ETS2: variants seen among roughly 807,000 people sequenced by gnomAD.
ETS2 encodes the protein protein C-ets-2.
A neutral mutation model predicts 54.9 loss-of-function variants in ETS2; 19 were observed. That is an observed-to-expected ratio of 0.35 (90% CI 0.24 to 0.51). ETS2 has a LOEUF of 0.51. Among genes scored for constraint, ETS2 ranks in the 20% least tolerant of loss-of-function variants. The pLI is 0.97. For synonymous variants in ETS2, 219 were observed against 229.3 expected (o/e 0.95, Z 0.41); for missense variants, 417 against 593.0 (o/e 0.70, Z 3.08).
chr21:38,806,152 G>A lies in ETS2; in HGVS notation c.-1+32G>A. The A allele has an allele frequency of 9.9e-7, 1 of 1,012,838 alleles. No homozygotes were observed. The highest frequency in any genetic ancestry group is 1.2e-6 in the Non-Finnish European group (1 of 848,252). The allele number at this position is 1,012,838 out of a possible 1,614,324, so 62.7% of individuals were successfully genotyped here. On this transcript the variant is annotated intron_variant, in intron 1 of 9. Transcript: ENST00000360938. This position sits in a 1 kb window ranked among gnomAD's most constrained non-coding sequence, Gnocchi z 4.3. ...GCTGGGCCCGCAGAGAGCGCCCGGC[G>A]CGCGGCTCCAGTCCCATGGAGGGTC... is the stretch of plus-strand genomic sequence containing the variant.
upstream of ETS2, chr21:38,805,682 C>G (rs2060889013): frequency 8.5e-7 from 1 of 1,174,022 alleles, no homozygotes; most frequent in Non-Finnish European, 1.1e-6. The surrounding 1 kb of genome is among the most constrained non-coding windows in gnomAD (Gnocchi z 5.2). Flanking sequence ...TCTTCTCTCC[C>G]CTCGTGCGTT....
In ETS2 at chr21:38,806,872, G is replaced by C. The variant is rs1000433915; in HGVS notation, c.-1+752G>C. 1.0e-6 allele frequency: 1 copy of C among 979,928 alleles called. No individual in the cohort carries two copies. Among genetic ancestry groups the C allele is most frequent in the Non-Finnish European group, 1.2e-6 (1 of 825,096 alleles). The allele number at this position is 979,928 out of a possible 1,614,324, so 60.7% of individuals were successfully genotyped here. A position where few individuals can be genotyped will look rare whatever the true frequency, so the allele number is the denominator to read the frequency against. On this transcript the variant is annotated intron_variant, in intron 1 of 9. Coordinates refer to ENST00000360938, the MANE Select transcript of ETS2 (RefSeq NM_005239.6). This position sits in a 1 kb window ranked among gnomAD's most constrained non-coding sequence, Gnocchi z 4.3. ...TGTGTTATCCTATTTTATTTTTTAC[G>C]GCAGGAGACCTTTTATGTTAGCCTG...
In ETS2 at chr21:38,821,475, G is replaced by A. The variant is rs1163340912; in HGVS notation, c.1076-111G>A. On this transcript the variant is annotated intron_variant, in intron 8 of 9. Transcript: ENST00000360938. The surrounding 1 kb of genome is among the most constrained non-coding windows in gnomAD (Gnocchi z 4.2). ...GAGTGTAACATCGGAACCCCATTCA[G>A]AGAGTTGGGTCTGCATTCCTAAATC... 3.7e-6 allele frequency: 3 copies of A among 803,966 alleles called. No homozygotes were observed. In the East Asian group the frequency reaches 7.3e-5, roughly 20 times the overall value. 49.8% of individuals were successfully genotyped at this position (803,966 alleles called of 1,614,324 possible). A position where few individuals can be genotyped will look rare whatever the true frequency, so the allele number is the denominator to read the frequency against.
At chr21:38,810,233 C>G in intron 2 of ETS2, 127 bp downstream of exon 2, 2 of 565,500 alleles carry the variant, frequency 3.5e-6, no homozygotes, top group Non-Finnish European at 6.1e-6. Context: ...GGCCATGTGA[C>G]TATAGACTAT....
upstream of ETS2, chr21:38,805,296 CTTT>C (rs1569018964): frequency 2.4e-5 from 30 of 1,225,772 alleles, no homozygotes; most frequent in Non-Finnish European, 3.0e-5. The surrounding 1 kb of genome is among the most constrained non-coding windows in gnomAD (Gnocchi z 5.2). Flanking sequence ...CATTTGGAGC[CTTT>C]TTGTGATAGA....
chr21:38,812,730 A>G (rs2060918391), intron 2 of ETS2, among the ~76,000 whole-genome samples: 1 of 152,010 alleles, frequency 6.6e-6, no homozygotes, highest in Non-Finnish European at 1.5e-5. Context: ...GCAGTGAGCC[A>G]AGATTGCACC....
At chr21:38,813,256 A>G in intron 3 of ETS2, 142 bp downstream of exon 3, 1 of 657,190 alleles carries the variant, frequency 1.5e-6, no homozygotes, top group Middle Eastern at 3.9e-4. Context: ...ACCTGGGAGA[A>G]GGCAGTTTTT....
rs1601431879 is a variant in ETS2, at chr21:38,819,771, G to T, written c.1075+5G>T. The T allele has an allele frequency of 6.2e-7, 1 of 1,610,706 alleles. No homozygotes were observed. Among genetic ancestry groups the T allele is most frequent in the East Asian group, 2.2e-5 (1 of 44,832 alleles). On this transcript the variant is annotated splice_donor_5th_base_variant and intron_variant, in intron 8 of 9. Transcript: ENST00000360938. ...CTGTGCTGGCCGGCTTCACAGGTGTGTGTGGAACTCCGAGAGCCTGGCCGC... is the reference window on the plus strand; with the variant it reads ...CTGTGCTGGCCGGCTTCACAGGTGTTTGTGGAACTCCGAGAGCCTGGCCGC...
At position 38,822,684 on chromosome 21, in the gene ETS2, G is replaced by A. The variant is rs762726949; in HGVS notation, c.1205G>A (p.Arg402Gln). ...CCATGTTCACCAAAGGTGGCCCGCC[G>A]GTGGGGAAAGAGGAAAAATAAGCCC... ...KLADPDEVAR[R>Q]WGKRKNKPKM... The change falls in exon 10 of 10, where the codon CGG becomes CAG. Residue 402 changes from arginine (R) to glutamine (Q), a missense_variant. By Grantham distance (43) the Arg-to-Gln change is conservative. Coordinates refer to ENST00000360938, the MANE Select transcript of ETS2 (RefSeq NM_005239.6). 7 of 1,613,444 alleles carry A rather than the reference G, an allele frequency of 4.3e-6. No homozygotes were observed. The highest frequency in any genetic ancestry group is 2.2e-5 in the East Asian group (1 of 44,878).
In ETS2 at chr21:38,822,752, TACG is replaced by T; in HGVS notation, c.1276_1278del (p.Asp426del). On this transcript the variant is annotated inframe_deletion, in exon 10 of 10. Coordinates refer to ENST00000360938, the MANE Select transcript of ETS2 (RefSeq NM_005239.6). ...GCTGAGCCGGGGCTTACGCTACTAT[TACG>T]ACAAGAACATCATCCACAAGACGTC... 2 of 1,614,188 alleles carry T rather than the reference TACG, an allele frequency of 1.2e-6. No individual in the cohort carries two copies. Among genetic ancestry groups the T allele is most frequent in the Non-Finnish European group, 1.7e-6 (2 of 1,180,040 alleles).
At chr21:38,812,904 A>G in intron 2 of ETS2, 99 bp from the exon 3 acceptor site, 1 of 776,158 alleles carries the variant, frequency 1.3e-6, no homozygotes, top group South Asian at 1.5e-5. Context: ...CAGTTTAATC[A>G]GGGACTATTG....
rs1318757583 is a variant in ETS2 at position 38,819,490 on chromosome 21, T to C, written c.812-13T>C. The C allele has an allele frequency of 6.2e-7, 1 of 1,613,134 alleles. No homozygotes were observed. The highest frequency in any genetic ancestry group is 1.7e-5 in the Admixed American group (1 of 60,008). ...TGGAGGAATCAAAGTATGTGTTTGG[T>C]TGTCTTTGCCAGGGACTCCCAAAGA... On this transcript the variant is annotated splice_polypyrimidine_tract_variant and intron_variant, in intron 7 of 9. Transcript: ENST00000360938.
chr21:38,807,335 C>G (rs926394386), intron 1 of ETS2, among the ~76,000 whole-genome samples: 1 of 151,630 alleles, frequency 6.6e-6, no homozygotes, highest in Middle Eastern at 3.5e-3. Flanking sequence ...ATTACTTGTT[C>G]CAATAAGGGT....
rs1315073624 is a variant in ETS2, at chr21:38,822,971, A to T, written c.*82A>T. ...TCCTGACCAGCTGCTCCGAGGACCC[A>T]GGAAAGGCAGGATTGAAAATGTCCA... On this transcript the variant is annotated 3_prime_UTR_variant, in exon 10 of 10. Transcript: ENST00000360938. 2.7e-6 allele frequency: 3 copies of T among 1,106,054 alleles called. No homozygotes were observed. The highest frequency in any genetic ancestry group is 3.7e-6 in the Non-Finnish European group (3 of 805,224). 68.5% of individuals were successfully genotyped at this position (1,106,054 alleles called of 1,614,324 possible). A position where few individuals can be genotyped will look rare whatever the true frequency, so the allele number is the denominator to read the frequency against.
intron 6 of ETS2, among the ~76,000 whole-genome samples, 184 bp from the exon 7 acceptor site, chr21:38,818,241 G>A (rs1210011735): frequency 6.6e-6 from 1 of 152,194 alleles, no homozygotes; most frequent in East Asian, 1.9e-4. Context: ...AGGGCTGCTG[G>A]TTGAGAAGCT....
intron 5 of ETS2, 118 bp from the exon 6 acceptor site, chr21:38,816,890 C>A: frequency 1.6e-6 from 1 of 612,030 alleles, no homozygotes; most frequent in Non-Finnish European, 2.9e-6. Flanking sequence ...AAATGTGAAG[C>A]ACTCCGTGCA....
Position 38,806,537 on chromosome 21 carries a change from T to A in ETS2, c.-1+417T>A, listed in dbSNP as rs1037295919. The stretch of plus-strand genomic sequence containing the variant: ...ACGGGAGTGGGGGCACAGGAGAGCG[T>A]GTCCGAGGTGGCCTGGCGCCCCGGC... On this transcript the variant is annotated intron_variant, in intron 1 of 9. Transcript: ENST00000360938. The surrounding 1 kb of genome is among the most constrained non-coding windows in gnomAD (Gnocchi z 4.3). The A allele has an allele frequency of 2.0e-6, 2 of 985,330 alleles. No individual in the cohort carries two copies. Among genetic ancestry groups the A allele is most frequent in the Non-Finnish European group, 2.4e-6 (2 of 830,002 alleles). The allele number at this position is 985,330 out of a possible 1,614,324, so 61.0% of individuals were successfully genotyped here. A position where few individuals can be genotyped will look rare whatever the true frequency, so the allele number is the denominator to read the frequency against.
intron 1 of ETS2, among the ~76,000 whole-genome samples, chr21:38,808,818 G>A (rs557708874): frequency 6.6e-6 from 1 of 152,242 alleles, no homozygotes; most frequent in Non-Finnish European, 1.5e-5. Context: ...AGAGCACCCA[G>A]TGGAGGCCAT....
At position 38,814,913 on chromosome 21, in the gene ETS2, G is replaced by A. The variant is rs1350625148; in HGVS notation, c.437G>A (p.Arg146His). 8.1e-6 allele frequency: 13 copies of A among 1,614,068 alleles called. No individual in the cohort carries two copies. Among genetic ancestry groups the A allele is most frequent in the Admixed American group, 6.7e-5 (4 of 59,998 alleles). The stretch of plus-strand genomic sequence containing the variant: ...ATGCTGTGTAACCTTGGCAAGGAAC[G>A]CTTTCTGGAGCTGGCACCTGACTTT... ...GQMLCNLGKE[R>H]FLELAPDFVG... Residue 146 changes from arginine (R) to histidine (H), a missense_variant, in exon 5 of 10, where the codon CGC (arginine) becomes CAC (histidine). Transcript: ENST00000360938. The surrounding 1 kb of genome is among the most constrained non-coding windows in gnomAD (Gnocchi z 4.2).
Sources: gnomAD v4.1 joint callset for allele counts (sites outside exome capture counted in the v4.1 genomes callset) on GRCh38, gnomAD v4.1.1 for gene constraint, Gnocchi (gnomAD v3.1) non-coding constraint, MANE v1.5 for transcripts, NCBI Gene and HGNC (gene_info 2026-07-23, HGNC 2026-07-21) for gene names.